The following DNAAF9 variants were observed in gnomAD, a reference collection of about 807,000 sequenced individuals.
The protein encoded by DNAAF9 is shulin.
In DNAAF9, 90 loss-of-function variants were observed where a neutral mutation model predicts 167.0. The ratio of observed to expected loss-of-function variants is 0.54; its 90% CI spans 0.45 to 0.64. The LOEUF is 0.64. DNAAF9 is among the 30% of genes least tolerant of loss of function. The pLI is 0.00. For missense variants in DNAAF9, 1,315 were observed against 1,442.2 expected, an observed-to-expected ratio of 0.91 and a Z score of 1.43; for synonymous variants, 491 against 508.8, an observed-to-expected ratio of 0.96 and a Z score of 0.47.
intron 27 of DNAAF9, among the ~76,000 whole-genome samples, chr20:3,285,907 G>C (rs1218932771): frequency 6.6e-6 from 1 of 151,500 alleles, no homozygotes; most frequent in East Asian, 1.9e-4. Context: ...TTGAACTCGG[G>C]AGGTGGAGGT....
In DNAAF9 at chr20:3,370,920, T is replaced by C. The variant is rs368942860; in HGVS notation, c.612+3128A>G. ...GGAGGTGGCATCTGCAAATGCCTGG[T>C]TGACTGTCACTTGAGGGGAGAGGAG... is the stretch of plus-strand genomic sequence containing the variant. On this transcript the variant is annotated intron_variant, in intron 6 of 36. Transcript: ENST00000252032. 2.5e-3 allele frequency among the ~76,000 whole-genome samples: 381 copies of C among 152,252 alleles called. 1 individual carries two copies. Among genetic ancestry groups the C allele is most frequent in the African/African-American group, 8.3e-3 (346 of 41,532 alleles).
chr20:3,351,794 A>G (rs528411241), intron 7 of DNAAF9, among the ~76,000 whole-genome samples: 1 of 152,136 alleles, frequency 6.6e-6, no homozygotes, highest in East Asian at 1.9e-4. Context: ...AAGTTATTAG[A>G]TTGTACATCA....
intron 28 of DNAAF9, among the ~76,000 whole-genome samples, chr20:3,280,339 G>T (rs1468298499): frequency 6.6e-6 from 1 of 152,030 alleles, no homozygotes; most frequent in Non-Finnish European, 1.5e-5. Context: ...GAGATGGGCA[G>T]ATCACCTGAC....
chr20:3,310,932 T>G (rs1420633459), intron 20 of DNAAF9, among the ~76,000 whole-genome samples: 2 of 152,118 alleles, frequency 1.3e-5, no homozygotes, highest in Non-Finnish European at 2.9e-5. Flanking sequence ...CTCAAATACC[T>G]GTATGCTGCT....
At chr20:3,254,076 T>C (rs944045492) in intron 35 of DNAAF9, among the ~76,000 whole-genome samples, 2 of 152,018 alleles carry the variant, frequency 1.3e-5, no homozygotes, top group African/African-American at 2.4e-5. Flanking sequence ...CACACTCTTT[T>C]ATTTATTTAT....
chr20:3,354,896 T>C (rs1270503278), intron 7 of DNAAF9, among the ~76,000 whole-genome samples: 1 of 152,206 alleles, frequency 6.6e-6, no homozygotes, highest in Non-Finnish European at 1.5e-5. Context: ...GAGCATGTTC[T>C]ACAGCCCATG....
At chr20:3,342,505 A>G (rs1301382263) in intron 9 of DNAAF9, among the ~76,000 whole-genome samples, 2 of 152,158 alleles carry the variant, frequency 1.3e-5, no homozygotes, top group East Asian at 3.9e-4. Flanking sequence ...CGTAGTTCTC[A>G]GTGAATATTT....
At chr20:3,378,927 T>C (rs557263460) in intron 3 of DNAAF9, among the ~76,000 whole-genome samples, 6 of 149,656 alleles carry the variant, frequency 4.0e-5, no homozygotes, top group East Asian at 1.9e-4. Flanking sequence ...CTCATCACTA[T>C]TGACTCTTTA....
At chr20:3,338,047 A>G (rs891746924) in intron 10 of DNAAF9, among the ~76,000 whole-genome samples, 4 of 148,462 alleles carry the variant, frequency 2.7e-5, no homozygotes, top group Non-Finnish European at 5.9e-5. Flanking sequence ...AATATATAAT[A>G]TATGCACACA....
intron 33 of DNAAF9, among the ~76,000 whole-genome samples, chr20:3,258,429 AC>A (rs2068320746): frequency 6.6e-6 from 1 of 151,838 alleles, no homozygotes; most frequent in Non-Finnish European, 1.5e-5. Flanking sequence ...ATAGCTGCCG[AC>A]CCCCCATATT....
intron 11 of DNAAF9, 116 bp downstream of exon 11, chr20:3,332,164 A>G: frequency 1.6e-6 from 1 of 630,882 alleles, no homozygotes; most frequent in Non-Finnish European, 2.9e-6. Flanking sequence ...CTGGAGGCCC[A>G]CAAATTGGGT....
At chr20:3,357,427 G>A (rs1296811681) in intron 7 of DNAAF9, among the ~76,000 whole-genome samples, 3 of 151,960 alleles carry the variant, frequency 2.0e-5, no homozygotes, top group South Asian at 4.1e-4. Context: ...AGCCAAGATC[G>A]CACCACTACA....
At chr20:3,310,137 A>G (rs2069375254) in intron 20 of DNAAF9, among the ~76,000 whole-genome samples, 1 of 151,878 alleles carries the variant, frequency 6.6e-6, no homozygotes, top group African/African-American at 2.4e-5. Flanking sequence ...GGTTGCAGTG[A>G]GCCAAGATCG....
intron 31 of DNAAF9, among the ~76,000 whole-genome samples, chr20:3,261,225 C>T (rs1371354363): frequency 6.6e-6 from 1 of 151,870 alleles, no homozygotes; most frequent in Non-Finnish European, 1.5e-5. Context: ...TTATTAGAGA[C>T]AAGGTCTCAC....
intron 21 of DNAAF9, among the ~76,000 whole-genome samples, chr20:3,303,542 AAC>A (rs540181873): frequency 1.3e-3 from 201 of 152,330 alleles, no homozygotes; most frequent in African/African-American, 4.4e-3. Context: ...ATCTAACAGC[AAC>A]ACTTTAATCT....
At chr20:3,323,281 T>TC (rs2069651464) in intron 14 of DNAAF9, among the ~76,000 whole-genome samples, 1 of 126,018 alleles carries the variant, frequency 7.9e-6, no homozygotes, top group Non-Finnish European at 1.7e-5. Flanking sequence ...AATCTTTTTT[T>TC]TTTTTTTTTT....
At chr20:3,309,453 A>G (rs2069363074) in intron 20 of DNAAF9, among the ~76,000 whole-genome samples, 1 of 152,206 alleles carries the variant, frequency 6.6e-6, no homozygotes, top group South Asian at 2.1e-4. Flanking sequence ...GAAATATGTT[A>G]TCTATCTAAA....
intron 1 of DNAAF9, among the ~76,000 whole-genome samples, chr20:3,400,835 G>A (rs1312719790): frequency 6.6e-6 from 1 of 152,088 alleles, no homozygotes; most frequent in East Asian, 1.9e-4. Flanking sequence ...TGTCATCCCA[G>A]ATACAAGTGA....
chr20:3,287,806 G>A lies in DNAAF9; in HGVS notation c.2328-16C>T. ...CACCATCCATCTGGAAAGGTAAAAGGTAACCTCTGCATGGGGGCCACCTGA... is the reference window on the plus strand; with the variant it reads ...CACCATCCATCTGGAAAGGTAAAAGATAACCTCTGCATGGGGGCCACCTGA... On this transcript the variant is annotated splice_polypyrimidine_tract_variant and intron_variant, in intron 26 of 36. Transcript: ENST00000252032. The A allele has an allele frequency of 1.9e-6, 3 of 1,613,750 alleles. No homozygotes were observed. Among genetic ancestry groups the A allele is most frequent in the Non-Finnish European group, 1.7e-6 (2 of 1,179,692 alleles).
Sources: gnomAD v4.1 joint callset for allele counts (sites outside exome capture counted in the v4.1 genomes callset) on GRCh38, gnomAD v4.1.1 for gene constraint, MANE v1.5 for transcripts, NCBI Gene and HGNC (gene_info 2026-07-23, HGNC 2026-07-21) for gene names.